Variants in CTNND2 observed in about 807,000 individuals in gnomAD.
CTNND2 encodes the protein catenin delta 2.
CTNND2 carries 22 observed loss-of-function variants against 144.4 expected under a neutral mutation model. The observed-to-expected ratio is 0.15, with a 90% CI of 0.11 to 0.22. The LOEUF is 0.22. CTNND2 is among the 10% of genes least tolerant of loss of function. CTNND2 has a pLI of 1.00. For synonymous variants in CTNND2, 751 were observed against 695.6 expected, an observed-to-expected ratio of 1.08 and a Z score of -1.25; for missense variants, 1,353 against 1,618.8, an observed-to-expected ratio of 0.84 and a Z score of 2.82.
intron 2 of CTNND2, among the ~76,000 whole-genome samples, chr5:11,724,002 C>T (rs987095184): frequency 1.3e-5 from 2 of 151,598 alleles, no homozygotes; most frequent in South Asian, 2.1e-4. Flanking sequence ...TTGCAGCGAG[C>T]TGAGATCACA....
chr5:11,395,320 C>A (rs1402113216), intron 6 of CTNND2, among the ~76,000 whole-genome samples: 1 of 152,216 alleles, frequency 6.6e-6, no homozygotes, highest in Non-Finnish European at 1.5e-5. Context: ...ATATCTACCA[C>A]TGAGTTAAAT....
intron 9 of CTNND2, among the ~76,000 whole-genome samples, chr5:11,245,418 A>C (rs1016292468): frequency 7.2e-5 from 11 of 152,198 alleles, no homozygotes; most frequent in Non-Finnish European, 1.5e-4. Context: ...AAATGCCATC[A>C]TAAGTGTCCT....
intron 1 of CTNND2, among the ~76,000 whole-genome samples, chr5:11,832,118 C>A (rs13189554): frequency 6.6e-6 from 1 of 151,804 alleles, no homozygotes; most frequent in African/African-American, 2.4e-5. Context: ...CCCGTCTCCA[C>A]TAAAAAATAC....
rs112052502 is a variant in CTNND2, at chr5:11,892,125, G to T, written c.37+11692C>A. ...ATCACAAAACCTGACACCTTACATT[G>T]TGTCTATATTTTTAAGCCCAGAATG... On this transcript the variant is annotated intron_variant, in intron 1 of 21. Transcript: ENST00000304623. Among the ~76,000 whole-genome samples the T allele has an allele frequency of 3.2e-3, 487 of 152,276 alleles. 5 individuals are homozygous for T. The highest frequency in any genetic ancestry group is 0.01 in the African/African-American group (436 of 41,552).
intron 2 of CTNND2, among the ~76,000 whole-genome samples, chr5:11,612,737 C>T (rs1241298357): frequency 1.3e-5 from 2 of 151,954 alleles, no homozygotes; most frequent in Non-Finnish European, 2.9e-5. Flanking sequence ...CCCACCTCTA[C>T]AAAAAATAAA....
Position 11,480,644 on chromosome 5 carries a change from A to ATGTGTGTGTGTGTGTGTG in CTNND2, c.288-68576_288-68575insCACACACACACACACACA, listed in dbSNP as rs112150074. Among the ~76,000 whole-genome samples the ATGTGTGTGTGTGTGTGTG allele has an allele frequency of 4.4e-3, 607 of 138,110 alleles. 8 individuals are homozygous for ATGTGTGTGTGTGTGTGTG. Among genetic ancestry groups the ATGTGTGTGTGTGTGTGTG allele is most frequent in the African/African-American group, 0.014 (500 of 36,992 alleles). The allele number at this position is 138,110 out of a possible 152,430, so 90.6% of individuals were successfully genotyped here. A position where few individuals can be genotyped will look rare whatever the true frequency, so the allele number is the denominator to read the frequency against. On this transcript the variant is annotated intron_variant, in intron 3 of 21. Transcript: ENST00000304623. ...CTTGTTCTATGATTTGAAAATACAT[A>ATGTGTGTGTGTGTGTGTG]TATGTGTGTGTGTGTGTGTGTGTGT...
At chr5:11,699,580 G>A (rs750688326) in intron 2 of CTNND2, among the ~76,000 whole-genome samples, 2 of 152,012 alleles carry the variant, frequency 1.3e-5, no homozygotes, top group African/African-American at 2.4e-5. Context: ...AATATTCCTC[G>A]GGGATATCAT....
At chr5:11,480,377 C>A (rs182707764) in intron 3 of CTNND2, among the ~76,000 whole-genome samples, 1 of 152,276 alleles carries the variant, frequency 6.6e-6, no homozygotes, top group Non-Finnish European at 1.5e-5. Context: ...AGGTTTCCAG[C>A]AGTAAAACAC....
chr5:11,344,323 C>T (rs574329763), intron 9 of CTNND2, among the ~76,000 whole-genome samples: 5 of 151,468 alleles, frequency 3.3e-5, no homozygotes, highest in South Asian at 2.1e-4. Flanking sequence ...ACCCGGAAGG[C>T]GGAGCTTGCA....
At chr5:11,450,787 AC>A (rs1765237355) in intron 3 of CTNND2, among the ~76,000 whole-genome samples, 1 of 151,068 alleles carries the variant, frequency 6.6e-6, no homozygotes, top group Non-Finnish European at 1.5e-5. Context: ...AATCTCAGCT[AC>A]TCAGGAGGCT....
chr5:11,242,858 C>G (rs1208751713), intron 9 of CTNND2, among the ~76,000 whole-genome samples: 1 of 152,202 alleles, frequency 6.6e-6, no homozygotes, highest in Non-Finnish European at 1.5e-5. Flanking sequence ...TTAGATCTTG[C>G]TGGCCTTGGT....
rs550742264 is a variant in CTNND2, at chr5:11,045,019, T to G, written c.2789-22040A>C. Among the ~76,000 whole-genome samples, 23 of 152,280 alleles carry G rather than the reference T, an allele frequency of 1.5e-4. 1 individual carries two copies. The South Asian group carries it at 3.9e-3, about 26-fold the overall frequency. Reference sequence around the variant, plus strand: ...ACAGGGTGACATAAAAAATCAGAAATGTATCCCTCACAGTTCTGGAAGTCA... The same window carrying G: ...ACAGGGTGACATAAAAAATCAGAAAGGTATCCCTCACAGTTCTGGAAGTCA... On this transcript the variant is annotated intron_variant, in intron 16 of 21. Coordinates refer to ENST00000304623, the MANE Select transcript of CTNND2 (RefSeq NM_001332.4).
intron 2 of CTNND2, among the ~76,000 whole-genome samples, chr5:11,629,222 C>T (rs114697090): frequency 0.018 from 2,743 of 152,130 alleles, 78 homozygotes; most frequent in African/African-American, 0.059. Flanking sequence ...AGTTACTGAC[C>T]ATTAGCCTTG....
rs997420079 is a variant in CTNND2, at chr5:11,903,664, C to T, written c.37+153G>A. 2.6e-5 allele frequency among the ~76,000 whole-genome samples: 4 copies of T among 152,104 alleles called. No individual in the cohort carries two copies. Among genetic ancestry groups the T allele is most frequent in the African/African-American group, 4.8e-5 (2 of 41,442 alleles). ...TTCCGAGGGGGACCTGGCGCGATCGCGGTCCTCCCCGAGGCAGGCAGAAAC... is the reference window on the plus strand; with the variant it reads ...TTCCGAGGGGGACCTGGCGCGATCGTGGTCCTCCCCGAGGCAGGCAGAAAC... On this transcript the variant is annotated intron_variant, in intron 1 of 21. Transcript: ENST00000304623. This position sits in a 1 kb window ranked among gnomAD's most constrained non-coding sequence, Gnocchi z 5.4.
At chr5:11,129,193 AAT>A (rs1276247645) in intron 12 of CTNND2, among the ~76,000 whole-genome samples, 1 of 48,452 alleles carries the variant, frequency 2.1e-5, no homozygotes, top group East Asian at 1.1e-3. Flanking sequence ...TATAATATAT[AAT>A]ATATATTATA....
intron 1 of CTNND2, among the ~76,000 whole-genome samples, chr5:11,812,974 C>T (rs1792421181): frequency 6.6e-6 from 1 of 152,262 alleles, no homozygotes; most frequent in East Asian, 1.9e-4. Context: ...CACACACATA[C>T]TCATATATAC....
intron 8 of CTNND2, among the ~76,000 whole-genome samples, chr5:11,364,004 TTAAGA>T (rs1033379936): frequency 3.3e-5 from 5 of 152,322 alleles, no homozygotes; most frequent in South Asian, 2.1e-4. Context: ...GATTTTGGAG[TTAAGA>T]TAAGTGTTCT....
chr5:11,046,258 A>T (rs1003692747), intron 16 of CTNND2, among the ~76,000 whole-genome samples: 1 of 152,180 alleles, frequency 6.6e-6, no homozygotes, highest in Non-Finnish European at 1.5e-5. Context: ...GGAAATTTGG[A>T]TCCAGAGATA....
intron 3 of CTNND2, among the ~76,000 whole-genome samples, chr5:11,514,081 G>A (rs890858302): frequency 3.4e-5 from 2 of 59,098 alleles, no homozygotes; most frequent in Admixed American, 2.2e-4. Context: ...AGCTACTCAG[G>A]AGGCTGAGAG....
Sources: allele counts gnomAD v4.1 joint callset (sites outside exome capture counted in the v4.1 genomes callset), GRCh38; gene constraint gnomAD v4.1.1; non-coding constraint Gnocchi (gnomAD v3.1); transcripts MANE v1.5; gene names NCBI Gene and HGNC (gene_info 2026-07-23, HGNC 2026-07-21).